Variants in B4GALT5 observed in about 807,000 individuals in gnomAD.
B4GALT5 encodes UDP-Gal:beta-GlcNAc beta-1,4-galactosyltransferase 5.
In B4GALT5, 11 loss-of-function variants were observed where a neutral mutation model predicts 45.0. The ratio of observed to expected loss-of-function variants is 0.24; its 90% CI spans 0.15 to 0.40. B4GALT5 has a LOEUF of 0.40. Among genes scored for constraint, B4GALT5 ranks in the 10% least tolerant of loss-of-function variants. The pLI, the probability that B4GALT5 is intolerant of heterozygous loss-of-function variation, is 1.00. For missense variants in B4GALT5, 337 were observed against 500.2 expected (o/e 0.67, Z 3.11); for synonymous variants, 185 against 182.9 (o/e 1.01, Z -0.09).
intron 1 of B4GALT5, among the ~76,000 whole-genome samples, chr20:49,689,640 G>A (rs969539767): frequency 3.3e-5 from 5 of 151,954 alleles, no homozygotes; most frequent in Non-Finnish European, 4.4e-5. Context: ...AGTAAACTGC[G>A]GAGATCAGTA....
At chr20:49,673,841 C>CA (rs899120380) in intron 1 of B4GALT5, among the ~76,000 whole-genome samples, 2 of 151,622 alleles carry the variant, frequency 1.3e-5, no homozygotes, top group African/African-American at 2.4e-5. Context: ...ACAGTTCAAA[C>CA]AAAAAAAGCA....
intron 3 of B4GALT5, 76 bp from the exon 4 acceptor site, chr20:49,643,726 G>A (rs2085586826): frequency 6.6e-7 from 1 of 1,505,886 alleles, no homozygotes; most frequent in South Asian, 1.3e-5. Flanking sequence ...TTTAGTCTCT[G>A]GAGAGCGCAA....
intron 1 of B4GALT5, among the ~76,000 whole-genome samples, chr20:49,672,400 T>C (rs983131568): frequency 2.6e-5 from 4 of 152,316 alleles, no homozygotes; most frequent in Non-Finnish European, 5.9e-5. Flanking sequence ...CACACACACT[T>C]AGCAAAACAA....
At chr20:49,638,010 C>G (rs1180353258) in intron 7 of B4GALT5, among the ~76,000 whole-genome samples, 1 of 126,000 alleles carries the variant, frequency 7.9e-6, no homozygotes, top group Non-Finnish European at 1.7e-5. Flanking sequence ...TACTTAGACA[C>G]TTGTATCATC....
chr20:49,678,200 CT>C (rs2085748021), intron 1 of B4GALT5, among the ~76,000 whole-genome samples: 1 of 152,236 alleles, frequency 6.6e-6, no homozygotes, highest in Non-Finnish European at 1.5e-5. Flanking sequence ...CTCACCCCTC[CT>C]GATATGGCAA....
chr20:49,672,657 G>A (rs2085720745), intron 1 of B4GALT5, among the ~76,000 whole-genome samples: 3 of 152,118 alleles, frequency 2.0e-5, no homozygotes, highest in Non-Finnish European at 4.4e-5. Flanking sequence ...AGAAACAGAA[G>A]GGCCAACCTA....
At chr20:49,703,725 C>T (rs1322976128) in intron 1 of B4GALT5, among the ~76,000 whole-genome samples, 1 of 27,448 alleles carries the variant, frequency 3.6e-5, no homozygotes, top group Non-Finnish European at 8.0e-5. Flanking sequence ...CGCATTTCTA[C>T]TAAAAAAAAA....
intron 1 of B4GALT5, among the ~76,000 whole-genome samples, chr20:49,692,190 T>C (rs1434113399): frequency 6.6e-6 from 1 of 151,792 alleles, no homozygotes; most frequent in African/African-American, 2.4e-5. Context: ...GTGTGCCTTA[T>C]AAAAACAATA....
intron 1 of B4GALT5, among the ~76,000 whole-genome samples, chr20:49,668,708 T>TGC (rs1258825504): frequency 6.6e-6 from 1 of 152,076 alleles, no homozygotes; most frequent in African/African-American, 2.4e-5. Flanking sequence ...ACAAAGGCTC[T>TGC]GCTCCCCTCA....
At chr20:49,702,928 C>A (rs1176711211) in intron 1 of B4GALT5, among the ~76,000 whole-genome samples, 2 of 151,738 alleles carry the variant, frequency 1.3e-5, no homozygotes, top group Non-Finnish European at 2.9e-5. Flanking sequence ...AATGTCAGCA[C>A]TTTGGGAGGC....
chr20:49,637,346 A>G lies in B4GALT5; in HGVS notation c.1014T>C (p.Leu338=). 1 of 1,613,562 alleles carries G rather than the reference A, an allele frequency of 6.2e-7. No individual in the cohort carries two copies. Among genetic ancestry groups the G allele is most frequent in the Non-Finnish European group, 8.5e-7 (1 of 1,179,462 alleles). The part of the protein sequence containing the change: ...PHHHRGEVQF[L]GRYALLRKSK... ...CAGAGATAAATTCCACCAACCTTCC[A>G]AGAAACTGGACTTCTCCTCGATGGT... The change falls in exon 8 of 9, where the codon CTT becomes CTC. Residue 338 remains leucine, a synonymous_variant. Coordinates refer to ENST00000371711, the MANE Select transcript of B4GALT5 (RefSeq NM_004776.4).
chr20:49,676,497 C>T (rs1440523436), intron 1 of B4GALT5, among the ~76,000 whole-genome samples: 1 of 152,198 alleles, frequency 6.6e-6, no homozygotes, highest in African/African-American at 2.4e-5. Context: ...TGAAGTTAAG[C>T]TATTGATTGA....
chr20:49,671,776 C>A (rs2085717045), intron 1 of B4GALT5, among the ~76,000 whole-genome samples: 3 of 152,332 alleles, frequency 2.0e-5, no homozygotes, highest in South Asian at 4.1e-4. Flanking sequence ...TTACTGAGAA[C>A]CCCTTTTCAC....
In B4GALT5 at chr20:49,646,914, C is replaced by G. The variant is rs747684463; in HGVS notation, c.364+51G>C. 3.5e-6 allele frequency: 4 copies of G among 1,149,202 alleles called. No homozygotes were observed. In the Admixed American group the frequency reaches 8.2e-5, roughly 24 times the overall value. The allele number at this position is 1,149,202 out of a possible 1,614,324, so 71.2% of individuals were successfully genotyped here. ...CAGACAGAGAGATCAAGAGTGCCCT[C>G]CCCTTTATCCATTTTAAAAGCAGAG... is the stretch of plus-strand genomic sequence containing the variant. On this transcript the variant is annotated intron_variant, in intron 3 of 8. Coordinates refer to ENST00000371711, the MANE Select transcript of B4GALT5 (RefSeq NM_004776.4).
chr20:49,654,325 C>T (rs1195686077), intron 2 of B4GALT5, among the ~76,000 whole-genome samples: 1 of 152,174 alleles, frequency 6.6e-6, no homozygotes, highest in East Asian at 1.9e-4. Flanking sequence ...CCACATGAGT[C>T]GAGTGAGAAT....
chr20:49,694,271 C>T (rs1445632469), intron 1 of B4GALT5, among the ~76,000 whole-genome samples: 1 of 152,136 alleles, frequency 6.6e-6, no homozygotes, highest in African/African-American at 2.4e-5. Flanking sequence ...CTACCTACCA[C>T]CGATTTGCGC....
At chr20:49,693,725 C>T (rs1270304040) in intron 1 of B4GALT5, among the ~76,000 whole-genome samples, 1 of 152,188 alleles carries the variant, frequency 6.6e-6, no homozygotes, top group Non-Finnish European at 1.5e-5. Context: ...CAGCAGTGTG[C>T]GCTTATGCTC....
intron 1 of B4GALT5, among the ~76,000 whole-genome samples, chr20:49,705,550 G>A (rs1464548606): frequency 6.6e-6 from 1 of 152,166 alleles, no homozygotes; most frequent in Non-Finnish European, 1.5e-5. Flanking sequence ...AAACTATAAA[G>A]TCTGAAGATT....
intron 1 of B4GALT5, among the ~76,000 whole-genome samples, chr20:49,699,240 A>G (rs2085851478): frequency 6.6e-6 from 1 of 152,158 alleles, no homozygotes. Flanking sequence ...TTCAGGTTTC[A>G]GTGCAAGACA....
Sources: allele counts gnomAD v4.1 joint callset (sites outside exome capture counted in the v4.1 genomes callset), GRCh38; gene constraint gnomAD v4.1.1; transcripts MANE v1.5; gene names NCBI Gene and HGNC (gene_info 2026-07-23, HGNC 2026-07-21).